Variants in ZNF500 observed in about 807,000 individuals in gnomAD.
ZNF500 encodes zinc finger protein with KRAB and SCAN domains 18.
Under a neutral mutation model 30.1 loss-of-function variants are expected in ZNF500, and 31 were observed. That is an observed-to-expected ratio of 1.03 (90% CI 0.77 to 1.39). ZNF500 has a LOEUF of 1.39. Among genes scored for constraint, ZNF500 ranks in the 40% most tolerant of loss-of-function variants. The pLI is 0.00. For synonymous variants in ZNF500, 392 were observed against 282.0 expected (o/e 1.39, Z -3.91); for missense variants, 817 against 657.8 (o/e 1.24, Z -2.65).
At chr16:4,762,186 G>T in intron 4 of ZNF500, 85 bp downstream of exon 4, 1 of 1,462,172 alleles carries the variant, frequency 6.8e-7, no homozygotes, top group Non-Finnish European at 9.4e-7. Flanking sequence ...GCCCCCAGGA[G>T]AGGTGTCCCC....
chr16:4,745,107 T>A, downstream of ZNF500: 1 of 1,439,736 alleles, frequency 6.9e-7, no homozygotes, highest in Non-Finnish European at 9.5e-7. Context: ...GGGCACTCCA[T>A]GTGCATTTTC....
At chr16:4,747,142 G>A (rs1036950193), downstream of ZNF500, 4 of 1,219,056 alleles carry the variant, frequency 3.3e-6, no homozygotes, top group African/African-American at 4.6e-5. Flanking sequence ...CCACCGCACA[G>A]GGTGAGGGGG....
intron 2 of ZNF500, chr16:4,764,212 G>C (rs1596506965): frequency 4.8e-6 from 2 of 419,072 alleles, no homozygotes; most frequent in Middle Eastern, 1.2e-3. Flanking sequence ...TGGTCAGTGT[G>C]ACTGAGGAAC....
chr16:4,760,623 A>G (rs989818446), intron 4 of ZNF500, 35 bp from the exon 5 acceptor site: 1 of 1,592,776 alleles, frequency 6.3e-7, no homozygotes, highest in Non-Finnish European at 8.6e-7. Context: ...CCTGGCCCCA[A>G]GCAAGCTGCC....
chr16:4,752,003 G>T lies in ZNF500; in HGVS notation c.*373C>A. On this transcript the variant is annotated 3_prime_UTR_variant, in exon 6 of 6. Coordinates refer to ENST00000219478, the MANE Select transcript of ZNF500 (RefSeq NM_021646.4). ...GAGAGGGGTTGGGACGTGGGGATGA[G>T]GCTGTATGCCAGCAGCCACTGGATG... The T allele has an allele frequency of 9.0e-7, 1 of 1,108,584 alleles. No homozygotes were observed. Among genetic ancestry groups the T allele is most frequent in the Non-Finnish European group, 1.2e-6 (1 of 860,066 alleles). 68.7% of individuals were successfully genotyped at this position (1,108,584 alleles called of 1,614,324 possible). A position where few individuals can be genotyped will look rare whatever the true frequency, so the allele number is the denominator to read the frequency against.
At position 4,752,359 on chromosome 16, in the gene ZNF500, A is replaced by C. The variant is rs745403655; in HGVS notation, c.*17T>G. The C allele has an allele frequency of 6.8e-7, 1 of 1,467,192 alleles. No individual in the cohort carries two copies. Among genetic ancestry groups the C allele is most frequent in the African/African-American group, 1.4e-5 (1 of 70,448 alleles). 90.9% of individuals were successfully genotyped at this position (1,467,192 alleles called of 1,614,324 possible). A position where few individuals can be genotyped will look rare whatever the true frequency, so the allele number is the denominator to read the frequency against. On this transcript the variant is annotated 3_prime_UTR_variant, in exon 6 of 6. Coordinates refer to ENST00000219478, the MANE Select transcript of ZNF500 (RefSeq NM_021646.4). ...CCAGGGATGAGAGTCCTGGAAAGGG[A>C]GTTTCAGGCCTGGTGATCAGGCTTT...
At position 4,751,508 on chromosome 16, in the gene ZNF500, G is replaced by C; in HGVS notation, c.*868C>G. The stretch of plus-strand genomic sequence containing the variant: ...AGCTATGGATCTGCAAAGGGGACTG[G>C]AATGCTGCAGAGCCCCGGGCTCCAT... On this transcript the variant is annotated 3_prime_UTR_variant, in exon 6 of 6. Coordinates refer to ENST00000219478, the MANE Select transcript of ZNF500 (RefSeq NM_021646.4). The C allele has an allele frequency of 6.9e-7, 1 of 1,457,344 alleles. No individual in the cohort carries two copies. The highest frequency in any genetic ancestry group is 2.5e-5 in the East Asian group (1 of 40,514). The allele number at this position is 1,457,344 out of a possible 1,614,324, so 90.3% of individuals were successfully genotyped here.
chr16:4,759,397 A>C (rs1429560704), intron 5 of ZNF500, among the ~76,000 whole-genome samples: 1 of 150,084 alleles, frequency 6.7e-6, no homozygotes, highest in African/African-American at 2.4e-5. Flanking sequence ...TGCTGGATAC[A>C]TCCACCCAGG....
chr16:4,754,476 A>G (rs1167198971), intron 5 of ZNF500, among the ~76,000 whole-genome samples: 1 of 152,034 alleles, frequency 6.6e-6, no homozygotes, highest in African/African-American at 2.4e-5. Flanking sequence ...CCTGGCCAAC[A>G]TGGTGAAACC....
Position 4,752,952 on chromosome 16 carries a change from C to T in ZNF500, c.867G>A (p.Pro289=), listed in dbSNP as rs184015055. ...LSARCQGPGH[P]LPGQRPAPVR... ...CTGGGGCTGGCCTCTGACCTGGGAGCGGGTGGCCAGGCCCCTGGCATCGTG... is the reference window on the plus strand; with the variant it reads ...CTGGGGCTGGCCTCTGACCTGGGAGTGGGTGGCCAGGCCCCTGGCATCGTG... Residue 289 remains proline, a synonymous_variant, in exon 6 of 6, where the codon CCG becomes CCA. Transcript: ENST00000219478. The T allele has an allele frequency of 3.7e-4, 598 of 1,610,478 alleles. 4 individuals are homozygous for T. The highest frequency in any genetic ancestry group is 9.2e-5 in the Non-Finnish European group (108 of 1,178,462).
chr16:4,762,876 C>T, intron 2 of ZNF500, 120 bp from the exon 3 acceptor site: 1 of 1,429,062 alleles, frequency 7.0e-7, no homozygotes, highest in Non-Finnish European at 9.2e-7. Flanking sequence ...GGGCTGTCTG[C>T]AGCCTCCCTC....
chr16:4,745,102 C>A (rs571113186), downstream of ZNF500: 1,336 of 1,452,392 alleles, frequency 9.2e-4, 2 homozygotes, highest in Non-Finnish European at 8.2e-4. Context: ...GGGCGGGGCA[C>A]TCCATGTGCA....
chr16:4,762,848 A>T, intron 2 of ZNF500, 92 bp from the exon 3 acceptor site: 1 of 1,464,022 alleles, frequency 6.8e-7, no homozygotes, highest in Non-Finnish European at 9.0e-7. Flanking sequence ...CAGGCACCCC[A>T]GCCGGCTGCC....
intron 5 of ZNF500, 120 bp downstream of exon 5, chr16:4,760,372 C>T (rs2082184322): frequency 2.3e-6 from 2 of 877,498 alleles, no homozygotes; most frequent in East Asian, 2.6e-5. Flanking sequence ...ATACGGGTAG[C>T]CCTGTCCACG....
At position 4,760,520 on chromosome 16, in the gene ZNF500, A is replaced by G; in HGVS notation, c.732T>C (p.Ala244=). The change falls in exon 5 of 6, where the codon GCT becomes GCC. Residue 244 remains alanine (A), a synonymous_variant. Transcript: ENST00000219478. The part of the protein sequence containing the change: ...SGEEPRCMDP[A]QRDAPLENEG... ...CATTCTCCAGCGGCGCGTCCCGCTGAGCTGGGTCCATGCATCTTGGCTCCT... is the reference window on the plus strand; with the variant it reads ...CATTCTCCAGCGGCGCGTCCCGCTGGGCTGGGTCCATGCATCTTGGCTCCT... 6 of 1,613,766 alleles carry G rather than the reference A, an allele frequency of 3.7e-6. No individual in the cohort carries two copies. The highest frequency in any genetic ancestry group is 5.1e-6 in the Non-Finnish European group (6 of 1,179,832).
chr16:4,762,564 G>A lies in ZNF500; in HGVS notation c.598+9C>T. On this transcript the variant is annotated intron_variant, in intron 3 of 5. Transcript: ENST00000219478. Reference sequence around the variant, plus strand: ...CCACTTCTCATTCCTCCAAAGGGGTGCTACTCACCTCTCTCTGGCCACAAC... The same window carrying A: ...CCACTTCTCATTCCTCCAAAGGGGTACTACTCACCTCTCTCTGGCCACAAC... 6.2e-7 allele frequency: 1 copy of A among 1,607,580 alleles called. No individual in the cohort carries two copies. The highest frequency in any genetic ancestry group is 2.2e-5 in the East Asian group (1 of 44,770).
downstream of ZNF500, chr16:4,746,264 G>C (rs1464358095): frequency 1.7e-6 from 2 of 1,151,768 alleles, no homozygotes; most frequent in African/African-American, 1.5e-5. Context: ...TCTGTAGAGA[G>C]TGGGCACTCA....
chr16:4,765,784 C>T lies in ZNF500; in HGVS notation c.195G>A (p.Arg65=), dbSNP rs947523957. 24 of 1,612,914 alleles carry T rather than the reference C, an allele frequency of 1.5e-5. No individual in the cohort carries two copies. The highest frequency in any genetic ancestry group is 6.7e-5 in the African/African-American group (5 of 74,934). Residue 65 remains arginine, a synonymous_variant, in exon 2 of 6, where the codon CGG becomes CGA. Transcript: ENST00000219478. ...GCTCCCAGAGGCGGCTCAGGGCCTC[C>T]CGGGGCCCAGCCACCTCCTGGTAGC... ...LFCYQEVAGP[R]EALSRLWELC...
chr16:4,747,245 G>A, downstream of ZNF500: 1 of 1,409,652 alleles, frequency 7.1e-7, no homozygotes, highest in East Asian at 2.3e-5. Flanking sequence ...GCTCTGAAAT[G>A]GGAGCTGGGC....
Sources: gnomAD v4.1 joint callset for allele counts (sites outside exome capture counted in the v4.1 genomes callset) on GRCh38, gnomAD v4.1.1 for gene constraint, MANE v1.5 for transcripts, NCBI Gene and HGNC (gene_info 2026-07-23, HGNC 2026-07-21) for gene names.